Variants in EYS observed in about 807,000 individuals in gnomAD.
EYS encodes the protein EGF-like photoreceptor maintenance factor.
In EYS, 250 loss-of-function variants were observed where a neutral mutation model predicts 282.1. The ratio of observed to expected loss-of-function variants is 0.89; its 90% confidence interval spans 0.80 to 0.98. EYS has a LOEUF of 0.98. Ranked by LOEUF, EYS falls within the 50% of genes least tolerant of loss-of-function variation. EYS has a pLI of 0.00. For synonymous variants in EYS, 1,355 were observed against 1,282.9 expected (o/e 1.06, Z -1.20); for missense variants, 4,016 against 3,709.0 (o/e 1.08, Z -2.15).
intron 13 of EYS, among the ~76,000 whole-genome samples, chr6:65,016,839 G>A (rs1772071103): frequency 6.6e-6 from 1 of 152,100 alleles, no homozygotes; most frequent in African/African-American, 2.4e-5. Flanking sequence ...ATATACTAAA[G>A]TTCTATGAAA....
chr6:65,031,468 C>T (rs1017945879), intron 13 of EYS, among the ~76,000 whole-genome samples: 4 of 151,974 alleles, frequency 2.6e-5, no homozygotes, highest in Non-Finnish European at 5.9e-5. Context: ...TAAAATTGAC[C>T]ATGTGATAAG....
At chr6:64,567,122 C>A (rs1322883437) in intron 26 of EYS, among the ~76,000 whole-genome samples, 2 of 151,780 alleles carry the variant, frequency 1.3e-5, no homozygotes, top group Admixed American at 6.6e-5. Context: ...TTCAGTGTAA[C>A]CCTTATTTTT....
chr6:64,912,558 AGTAGGTCACAAAG>A lies in EYS; in HGVS notation c.2554_2566del (p.Leu852PhefsTer12). 2 of 1,551,324 alleles carry A rather than the reference AGTAGGTCACAAAG, an allele frequency of 1.3e-6. No individual in the cohort carries two copies. Among genetic ancestry groups the A allele is most frequent in the Non-Finnish European group, 8.7e-7 (1 of 1,146,666 alleles). On this transcript the variant is annotated frameshift_variant, in exon 16 of 43. Transcript: ENST00000503581. LOFTEE classifies it high-confidence loss of function. Reference sequence around the variant, plus strand: ...TGAGTTGTTTCTGCAAGGGTTATGAAGTAGGTCACAAAGGTTATAGCGTTGGTGGCAAAATTGT... The same window carrying A: ...TGAGTTGTTTCTGCAAGGGTTATGAAGTTATAGCGTTGGTGGCAAAATTGT...
intron 22 of EYS, chr6:64,730,978 C>T (rs1409161648): frequency 6.6e-6 from 1 of 152,106 alleles, no homozygotes; most frequent in Non-Finnish European, 1.5e-5. Context: ...TAACATAGGG[C>T]AACTACAGTT....
At chr6:65,351,256 A>G (rs1280155827) in intron 9 of EYS, among the ~76,000 whole-genome samples, 1 of 151,732 alleles carries the variant, frequency 6.6e-6, no homozygotes, top group Admixed American at 6.6e-5. Context: ...CAAGTCATTT[A>G]GATTCTCAGA....
intron 31 of EYS, among the ~76,000 whole-genome samples, chr6:64,119,885 T>C (rs1773518075): frequency 6.6e-6 from 1 of 152,194 alleles, no homozygotes; most frequent in African/African-American, 2.4e-5. Flanking sequence ...TTTTGGATCC[T>C]TAAAAAATCA....
intron 12 of EYS, among the ~76,000 whole-genome samples, chr6:65,092,862 T>G (rs990378275): frequency 6.6e-6 from 1 of 152,002 alleles, no homozygotes; most frequent in Non-Finnish European, 1.5e-5. Flanking sequence ...ATATACACAT[T>G]GTGGGAGTCA....
intron 2 of EYS, among the ~76,000 whole-genome samples, chr6:65,611,346 C>T (rs759036168): frequency 4.0e-5 from 6 of 151,834 alleles, no homozygotes; most frequent in Admixed American, 2.0e-4. Context: ...TTTGGTGAAA[C>T]TCTAAGAACA....
intron 32 of EYS, among the ~76,000 whole-genome samples, chr6:64,070,462 A>C (rs1172473825): frequency 2.0e-5 from 3 of 152,070 alleles, no homozygotes; most frequent in Non-Finnish European, 4.4e-5. Context: ...TTTCTTAGAC[A>C]GCTTGAGTTT....
intron 11 of EYS, among the ~76,000 whole-genome samples, chr6:65,319,191 TCTACTAAAAATGCAAAAAAAAA>T (rs1290876230): frequency 9.4e-6 from 1 of 106,930 alleles, no homozygotes; most frequent in African/African-American, 4.1e-5. Flanking sequence ...AAACCCCGTC[TCTACTAAAAATGCAAAAAAAAA>T]AAAAAAAAAA....
intron 29 of EYS, among the ~76,000 whole-genome samples, chr6:64,330,144 C>T (rs1392494170): frequency 6.6e-6 from 1 of 152,144 alleles, no homozygotes; most frequent in African/African-American, 2.4e-5. Context: ...TTTCAAGGCA[C>T]AGAAAGCTTC....
intron 19 of EYS, among the ~76,000 whole-genome samples, chr6:64,881,386 C>A (rs1395549269): frequency 6.6e-6 from 1 of 151,854 alleles, no homozygotes; most frequent in East Asian, 1.9e-4. Context: ...GGAATATCAT[C>A]TGTGGGAAAA....
chr6:65,341,329 G>T (rs2150317925), intron 10 of EYS, among the ~76,000 whole-genome samples: 1 of 151,212 alleles, frequency 6.6e-6, no homozygotes, highest in South Asian at 2.1e-4. Context: ...GTTTTCACGG[G>T]TTCTTCTCAG....
chr6:64,278,596 T>C (rs1446322001), intron 30 of EYS, among the ~76,000 whole-genome samples: 2 of 152,132 alleles, frequency 1.3e-5, no homozygotes, highest in South Asian at 4.1e-4. Flanking sequence ...TGCCTAAAAG[T>C]TCAAATTTTT....
chr6:64,389,038 C>G (rs1211618609), intron 28 of EYS, among the ~76,000 whole-genome samples, 198 bp from the exon 29 acceptor site: 1 of 152,022 alleles, frequency 6.6e-6, no homozygotes. Flanking sequence ...TACAGTTTGA[C>G]AAAACAACAA....
In EYS at chr6:63,806,377, G is replaced by GA. The variant is rs1174597152; in HGVS notation, c.7229-6dup. The GA allele has an allele frequency of 1.3e-6, 2 of 1,522,392 alleles. No homozygotes were observed. The highest frequency in any genetic ancestry group is 1.4e-5 in the African/African-American group (1 of 71,790). The allele number at this position is 1,522,392 out of a possible 1,614,324, so 94.3% of individuals were successfully genotyped here. A position where few individuals can be genotyped will look rare whatever the true frequency, so the allele number is the denominator to read the frequency against. On this transcript the variant is annotated splice_polypyrimidine_tract_variant and splice_region_variant and intron_variant, in intron 36 of 42. Transcript: ENST00000503581. ...TTGGCTGAGTAATATTAATAGCTGT[G>GA]AAAAAACCCAAACCAAACAGTTAAA... is the stretch of plus-strand genomic sequence containing the variant.
chr6:65,375,974 C>T lies in EYS; in HGVS notation c.1299+8412G>A, dbSNP rs1765348858. Among the ~76,000 whole-genome samples the T allele has an allele frequency of 2.6e-5, 4 of 152,226 alleles. No homozygotes were observed. The South Asian group carries it at 6.2e-4, about 24-fold the overall frequency. On this transcript the variant is annotated intron_variant, in intron 8 of 42. Coordinates refer to ENST00000503581, the MANE Select transcript of EYS (RefSeq NM_001142800.2). ...CACTTCAGGATATTATCCAGGAGAA[C>T]TTCCCCAACCTAGCAAGACAGGCCA...
At chr6:63,815,118 T>C (rs974110951) in intron 36 of EYS, among the ~76,000 whole-genome samples, 1 of 152,214 alleles carries the variant, frequency 6.6e-6, no homozygotes, top group Non-Finnish European at 1.5e-5. Context: ...ATATCATTTT[T>C]CAAGATATGG....
At chr6:63,829,838 G>A (rs1490127183) in intron 36 of EYS, among the ~76,000 whole-genome samples, 1 of 152,186 alleles carries the variant, frequency 6.6e-6, no homozygotes, top group Non-Finnish European at 1.5e-5. Flanking sequence ...ACACCTCATA[G>A]AGCTAGGTGC....
Sources: allele counts gnomAD v4.1 joint callset (sites outside exome capture counted in the v4.1 genomes callset), GRCh38; gene constraint gnomAD v4.1.1; transcripts MANE v1.5; gene names NCBI Gene and HGNC (gene_info 2026-07-23, HGNC 2026-07-21).